EPG5: variants seen among roughly 807,000 people sequenced by gnomAD.
EPG5 encodes ectopic P-granules 5 autophagy tethering factor.
Under a neutral mutation model 302.7 loss-of-function variants are expected in EPG5, and 159 were observed. That is an observed-to-expected ratio of 0.53 (90% confidence interval 0.46 to 0.60). The LOEUF is 0.60. Among genes scored for constraint, EPG5 ranks in the 20% least tolerant of loss-of-function variants. The pLI, the probability that EPG5 is intolerant of heterozygous loss-of-function variation, is 0.00. For missense variants in EPG5, 2,896 were observed against 3,092.4 expected (o/e 0.94, Z 1.51); for synonymous variants, 1,158 against 1,136.8 (o/e 1.02, Z -0.37).
In EPG5 at chr18:45,922,563, G is replaced by A. The variant is rs1190771359; in HGVS notation, c.2876C>T (p.Thr959Ile). The A allele has an allele frequency of 6.2e-7, 1 of 1,614,050 alleles. No individual in the cohort carries two copies. The highest frequency in any genetic ancestry group is 1.3e-5 in the African/African-American group (1 of 74,918). Residue 959 changes from threonine (T) to isoleucine (I), a missense_variant, in exon 16 of 44, where the codon ACA becomes ATA. By Grantham distance (89) the Thr-to-Ile change is moderately conservative. Coordinates refer to ENST00000282041, the MANE Select transcript of EPG5 (RefSeq NM_020964.3). ...CCATTGGTTAAATGAGGTCTCGGGT[G>A]TCTCTCCATATCGAACAATACTGGC... The part of the protein sequence containing the change: ...YLASIVRYGE[T>I]PETSFNQWAW...
the EPG5 span, among the ~76,000 whole-genome samples, chr18:45,829,861 AC>A: frequency 6.6e-6 from 1 of 150,846 alleles, no homozygotes; most frequent in African/African-American, 2.4e-5. Context: ...TCCTTCCCTT[AC>A]CCCCTCAAAA....
chr18:45,963,309 A>G (rs558639949), intron 1 of EPG5, among the ~76,000 whole-genome samples: 1 of 152,294 alleles, frequency 6.6e-6, no homozygotes, highest in Non-Finnish European at 1.5e-5. Flanking sequence ...GTAAAAAGGG[A>G]TAGGAAGGGG....
intron 23 of EPG5, among the ~76,000 whole-genome samples, chr18:45,908,369 T>G (rs951406436): frequency 2.0e-5 from 3 of 151,992 alleles, no homozygotes; most frequent in Non-Finnish European, 4.4e-5. Flanking sequence ...CAGAAAAAAA[T>G]AACTGGAAAA....
the EPG5 span, among the ~76,000 whole-genome samples, chr18:45,826,743 C>G: frequency 2.0e-5 from 3 of 152,182 alleles, no homozygotes; most frequent in Non-Finnish European, 4.4e-5. Flanking sequence ...GGATGATAAA[C>G]TCCCACACCT....
intron 10 of EPG5, among the ~76,000 whole-genome samples, chr18:45,936,623 G>A (rs140631927): frequency 0.032 from 4,894 of 151,114 alleles, 233 homozygotes; most frequent in African/African-American, 0.11. Context: ...AGCTACTCGG[G>A]AGGCTGAGGC....
intron 3 of EPG5, 136 bp downstream of exon 3, chr18:45,952,264 G>A: frequency 1.0e-6 from 1 of 989,498 alleles, no homozygotes; most frequent in Non-Finnish European, 1.5e-6. Flanking sequence ...TCCTACAGTG[G>A]GGGAGGCCTG....
intron 19 of EPG5, 140 bp from the exon 20 acceptor site, chr18:45,915,761 G>A (rs1252593242): frequency 4.0e-6 from 3 of 749,772 alleles, no homozygotes; most frequent in African/African-American, 1.8e-5. Flanking sequence ...TCCACCAGCA[G>A]CAATAGTCCA....
intron 39 of EPG5, among the ~76,000 whole-genome samples, chr18:45,862,009 A>G (rs1357478102): frequency 2.0e-5 from 3 of 151,760 alleles, no homozygotes; most frequent in Non-Finnish European, 4.4e-5. Context: ...TCCCTGTTTT[A>G]GCTTGAAAAC....
At chr18:45,948,635 T>C in intron 5 of EPG5, 59 bp from the exon 6 acceptor site, 1 of 1,397,824 alleles carries the variant, frequency 7.2e-7, no homozygotes, top group Non-Finnish European at 1.0e-6. Flanking sequence ...GTGTCCATAA[T>C]CTTGGTTCAC....
chr18:45,871,421 C>T (rs2048869805), intron 35 of EPG5, among the ~76,000 whole-genome samples: 1 of 152,204 alleles, frequency 6.6e-6, no homozygotes. Context: ...AGTAATCTCA[C>T]TTCTGGGTAT....
rs1486983799 is a variant in EPG5, at chr18:45,851,455, C to T, written c.*1012G>A. The T allele has an allele frequency of 2.0e-5, 3 of 152,148 alleles. No homozygotes were observed. The highest frequency in any genetic ancestry group is 2.9e-5 in the Non-Finnish European group (2 of 68,030). 9.4% of individuals were successfully genotyped at this position (152,148 alleles called of 1,614,324 possible). A position where few individuals can be genotyped will look rare whatever the true frequency, so the allele number is the denominator to read the frequency against. On this transcript the variant is annotated 3_prime_UTR_variant, in exon 44 of 44. Transcript: ENST00000282041. ...AAAAGCCAAATTTCAGTAGATCTCC[C>T]GACCTGACCCAGTTTCCACAGACAA...
At chr18:45,873,237 C>T (rs968975062) in intron 35 of EPG5, among the ~76,000 whole-genome samples, 1 of 152,144 alleles carries the variant, frequency 6.6e-6, no homozygotes, top group Non-Finnish European at 1.5e-5. Flanking sequence ...TATGGCTGGG[C>T]ATGGTGGCTC....
In EPG5 at chr18:45,934,790, C is replaced by A; in HGVS notation, c.2257+19G>T. The A allele has an allele frequency of 6.3e-7, 1 of 1,586,472 alleles. No homozygotes were observed. Among genetic ancestry groups the A allele is most frequent in the Non-Finnish European group, 8.6e-7 (1 of 1,169,140 alleles). On this transcript the variant is annotated intron_variant, in intron 11 of 43. Coordinates refer to ENST00000282041, the MANE Select transcript of EPG5 (RefSeq NM_020964.3). ...AAAGATAGGGAGAGCTGGACGCCGA[C>A]TGCTCGGCGGGGCTGTACCTTGGAG...
At position 45,871,147 on chromosome 18, in the gene EPG5, G is replaced by A. The variant is rs141782468; in HGVS notation, c.6050-405C>T. Among the ~76,000 whole-genome samples, 478 of 152,242 alleles carry A rather than the reference G, an allele frequency of 3.1e-3. 2 individuals are homozygous for A. The highest frequency in any genetic ancestry group is 0.011 in the African/African-American group (448 of 41,526). ...GAAATGTTCCATTTTTTAAAAGAAG[G>A]CATACAAATAGCCAATAGGTGCATG... On this transcript the variant is annotated intron_variant, in intron 35 of 43. Transcript: ENST00000282041.
chr18:45,954,026 T>G (rs2050969271), intron 2 of EPG5: 2 of 532,662 alleles, frequency 3.8e-6, no homozygotes, highest in Non-Finnish European at 4.8e-6. Context: ...GTCTGATTAG[T>G]TGCTAACATT....
the EPG5 span, chr18:45,838,851 C>T: frequency 6.6e-5 from 104 of 1,574,624 alleles, no homozygotes; most frequent in Middle Eastern, 1.7e-4. Context: ...GCTTGGCAGC[C>T]GTGCGGAGCC....
intron 19 of EPG5, 141 bp from the exon 20 acceptor site, chr18:45,915,762 C>T: frequency 1.3e-6 from 1 of 748,438 alleles, no homozygotes; most frequent in African/African-American, 1.8e-5. Flanking sequence ...CCACCAGCAG[C>T]AATAGTCCAA....
At chr18:45,911,937 C>T (rs1014209991) in intron 22 of EPG5, among the ~76,000 whole-genome samples, 1 of 152,154 alleles carries the variant, frequency 6.6e-6, no homozygotes, top group Non-Finnish European at 1.5e-5. Flanking sequence ...CACCACTCAT[C>T]ACAAGGTCCC....
At chr18:45,901,310 A>C in intron 25 of EPG5, 143 bp from the exon 26 acceptor site, 1 of 706,206 alleles carries the variant, frequency 1.4e-6, no homozygotes, top group South Asian at 2.1e-5. Context: ...TCATGATCTT[A>C]AATTATTACC....
Sources: gnomAD v4.1 joint callset for allele counts (sites outside exome capture counted in the v4.1 genomes callset) on GRCh38, gnomAD v4.1.1 for gene constraint, MANE v1.5 for transcripts, NCBI Gene and HGNC (gene_info 2026-07-23, HGNC 2026-07-21) for gene names.